LGSN: variants seen among roughly 807,000 people sequenced by gnomAD.
The protein encoded by LGSN is lengsin, lens protein with glutamine synthetase domain, also known as lengsin.
Under a neutral mutation model 19.5 loss-of-function variants are expected in LGSN, and 21 were observed. The observed-to-expected ratio is 1.07, with a 90% CI of 0.76 to 1.55. The LOEUF (loss-of-function observed/expected upper bound fraction) is 1.55. Among genes scored for constraint, LGSN ranks in the 40% most tolerant of loss-of-function variants. The pLI is 0.00. For synonymous variants in LGSN, 257 were observed against 215.6 expected (o/e 1.19, Z -1.68); for missense variants, 673 against 608.5 (o/e 1.11, Z -1.12).
At chr6:63,531,545 G>A in the LGSN span, among the ~76,000 whole-genome samples, 4 of 143,678 alleles carry the variant, frequency 2.8e-5, no homozygotes, top group Admixed American at 2.8e-4. Flanking sequence ...AAATGCAGTG[G>A]TGCCTGCCAT....
chr6:63,357,787 G>T, the LGSN span, among the ~76,000 whole-genome samples: 1 of 152,178 alleles, frequency 6.6e-6, no homozygotes, highest in Non-Finnish European at 1.5e-5. Context: ...TAGGTTGCCT[G>T]TTCACTCTGA....
the LGSN span, among the ~76,000 whole-genome samples, chr6:63,533,171 C>T: frequency 6.6e-6 from 1 of 152,300 alleles, no homozygotes; most frequent in South Asian, 2.1e-4. Context: ...CACTTGAGGT[C>T]ACGAGTTCAA....
At chr6:63,412,501 A>AGAAAGAAAGAAAGAAAGAAAGAAG in the LGSN span, among the ~76,000 whole-genome samples, 3 of 109,106 alleles carry the variant, frequency 2.7e-5, no homozygotes, top group East Asian at 2.5e-4. Flanking sequence ...AAAGAAAGAA[A>AGAAAGAAAGAAAGAAAGAAAGAAG]GAAAGAAAGA....
At chr6:63,442,413 G>A in the LGSN span, among the ~76,000 whole-genome samples, 2 of 152,092 alleles carry the variant, frequency 1.3e-5, no homozygotes, top group African/African-American at 2.4e-5. Flanking sequence ...CTGATGATTC[G>A]TCCATTTTAC....
the LGSN span, chr6:63,395,268 G>A: frequency 6.6e-6 from 1 of 152,226 alleles, no homozygotes; most frequent in African/African-American, 2.4e-5. Context: ...TAATAGTGAA[G>A]TATAATAAAG....
the LGSN span, among the ~76,000 whole-genome samples, chr6:63,432,179 G>GAGAGGGAAAGAAAGAAAAGAAAAGA: frequency 8.8e-6 from 1 of 113,560 alleles, no homozygotes; most frequent in African/African-American, 3.4e-5. Flanking sequence ...GAAAAGGAAA[G>GAGAGGGAAAGAAAGAAAAGAAAAGA]AAAGAAAAGA....
the LGSN span, among the ~76,000 whole-genome samples, chr6:63,548,056 C>G: frequency 6.6e-6 from 1 of 152,178 alleles, no homozygotes. Context: ...CCCACATCCC[C>G]CATATTCCAA....
chr6:63,399,167 C>T, the LGSN span, among the ~76,000 whole-genome samples: 1 of 152,024 alleles, frequency 6.6e-6, no homozygotes, highest in Non-Finnish European at 1.5e-5. Context: ...TTTGGATGCA[C>T]AGATACTTAT....
the LGSN span, among the ~76,000 whole-genome samples, chr6:63,338,739 T>A: frequency 2.9e-3 from 448 of 152,258 alleles, 3 homozygotes; most frequent in African/African-American, 0.01. Flanking sequence ...GGGTTTGGTT[T>A]GTTCTTGCTT....
the LGSN span, among the ~76,000 whole-genome samples, chr6:63,325,649 G>A: frequency 1.4e-4 from 21 of 152,156 alleles, no homozygotes; most frequent in African/African-American, 3.6e-4. Flanking sequence ...AAATGAAGCC[G>A]CAGACCCTCA....
the LGSN span, among the ~76,000 whole-genome samples, chr6:63,562,171 A>C: frequency 6.6e-6 from 1 of 151,208 alleles, no homozygotes; most frequent in Non-Finnish European, 1.5e-5. Context: ...TTATTTATTT[A>C]TCTTAAAGAC....
intron 1 of LGSN, 35 bp from the exon 2 acceptor site, chr6:63,295,080 A>C (rs1424872565): frequency 3.1e-6 from 5 of 1,589,050 alleles, no homozygotes; most frequent in Non-Finnish European, 4.3e-6. Context: ...GCCAAATAAC[A>C]GATTATTCAA....
chr6:63,420,162 C>T, the LGSN span, among the ~76,000 whole-genome samples: 1 of 151,054 alleles, frequency 6.6e-6, no homozygotes, highest in Non-Finnish European at 1.5e-5. Context: ...GAGATCGCAC[C>T]ACTGCACTCC....
chr6:63,472,324 G>A, the LGSN span, among the ~76,000 whole-genome samples: 67 of 152,244 alleles, frequency 4.4e-4, no homozygotes, highest in African/African-American at 1.3e-3. Context: ...TCAAGATTCC[G>A]AAATTCCTTT....
At chr6:63,542,042 TG>T in the LGSN span, among the ~76,000 whole-genome samples, 116 of 151,724 alleles carry the variant, frequency 7.6e-4, no homozygotes, top group Non-Finnish European at 1.3e-3. Context: ...TGTGTGTGTG[TG>T]TGTGTGTGTG....
the LGSN span, among the ~76,000 whole-genome samples, chr6:63,440,330 T>G: frequency 6.6e-6 from 1 of 152,168 alleles, no homozygotes; most frequent in African/African-American, 2.4e-5. Flanking sequence ...GAGCCTGGCC[T>G]CCTCAGTTCC....
At chr6:63,525,835 G>T in the LGSN span, among the ~76,000 whole-genome samples, 40 of 152,244 alleles carry the variant, frequency 2.6e-4, no homozygotes, top group African/African-American at 9.4e-4. Flanking sequence ...TAAAATAGTT[G>T]GTGTGGTTTC....
chr6:63,301,243 A>G (rs1009444175), intron 1 of LGSN, among the ~76,000 whole-genome samples: 1 of 152,162 alleles, frequency 6.6e-6, no homozygotes, highest in Non-Finnish European at 1.5e-5. Flanking sequence ...GTGAGCCAAG[A>G]TTGCGCCACT....
chr6:63,482,316 A>T, the LGSN span, among the ~76,000 whole-genome samples: 1 of 152,190 alleles, frequency 6.6e-6, no homozygotes, highest in African/African-American at 2.4e-5. Flanking sequence ...AAAAATATTT[A>T]TTGAATAAGT....
Sources: allele counts gnomAD v4.1 joint callset (sites outside exome capture counted in the v4.1 genomes callset), GRCh38; gene constraint gnomAD v4.1.1; transcripts MANE v1.5; gene names NCBI Gene and HGNC (gene_info 2026-07-23, HGNC 2026-07-21).